The following SMYD3 variants were observed in gnomAD, a reference collection of about 807,000 sequenced individuals.
SMYD3 encodes SET and MYND domain containing 3, also known as histone-lysine N-methyltransferase SMYD3.
A neutral mutation model predicts 57.7 loss-of-function variants in SMYD3; 36 were observed. The ratio of observed to expected loss-of-function variants is 0.62; its 90% CI spans 0.48 to 0.82. The LOEUF (loss-of-function observed/expected upper bound fraction) is 0.82. SMYD3 is among the 40% of genes least tolerant of loss of function. SMYD3 has a pLI of 0.00. For synonymous variants in SMYD3, 211 were observed against 195.0 expected (o/e 1.08, Z -0.68); for missense variants, 515 against 538.8 (o/e 0.96, Z 0.44).
intron 2 of SMYD3, among the ~76,000 whole-genome samples, chr1:246,339,790 T>A (rs945803020): frequency 6.6e-6 from 1 of 152,168 alleles, no homozygotes; most frequent in African/African-American, 2.4e-5. Flanking sequence ...ATTGCAACAG[T>A]GGGTTTGCTA....
intron 1 of SMYD3, among the ~76,000 whole-genome samples, chr1:246,362,612 C>T (rs1287430157): frequency 6.6e-6 from 1 of 152,254 alleles, no homozygotes; most frequent in African/African-American, 2.4e-5. Flanking sequence ...AGGCGCGCAC[C>T]GCCACGCCTG....
rs1055157342 is a variant in SMYD3, at chr1:246,446,112, T to C, written c.164+60942A>G. 1.1e-4 allele frequency among the ~76,000 whole-genome samples: 17 copies of C among 152,226 alleles called. 1 individual carries two copies. ...AGTCAGAAGACCCTGGATGTAAACA[T>C]ATCAATTGCCTCTAAAATAAAGACC... On this transcript the variant is annotated intron_variant, in intron 1 of 11. Transcript: ENST00000490107.
chr1:245,934,658 A>G (rs1341143282), intron 5 of SMYD3, among the ~76,000 whole-genome samples: 5 of 152,184 alleles, frequency 3.3e-5, no homozygotes, highest in Admixed American at 3.3e-4. Context: ...AGGAGAGGAG[A>G]GGCTATACTT....
chr1:245,831,948 G>T (rs957842380), intron 10 of SMYD3, among the ~76,000 whole-genome samples: 3 of 152,216 alleles, frequency 2.0e-5, no homozygotes, highest in Non-Finnish European at 2.9e-5. Flanking sequence ...AGTACAGTTT[G>T]TTTTTTCTCT....
At chr1:246,448,719 A>AC (rs2067587481) in intron 1 of SMYD3, among the ~76,000 whole-genome samples, 1 of 150,862 alleles carries the variant, frequency 6.6e-6, no homozygotes, top group African/African-American at 2.4e-5. Flanking sequence ...AAAAAAAAAA[A>AC]AAAAAAAAAG....
chr1:246,099,237 T>A (rs1011455725), intron 5 of SMYD3, among the ~76,000 whole-genome samples: 5 of 152,220 alleles, frequency 3.3e-5, no homozygotes, highest in African/African-American at 9.6e-5. Flanking sequence ...CATGGCCGGC[T>A]GTGAATAAAC....
At chr1:246,275,269 G>A (rs1280072799) in intron 5 of SMYD3, among the ~76,000 whole-genome samples, 1 of 152,202 alleles carries the variant, frequency 6.6e-6, no homozygotes, top group Non-Finnish European at 1.5e-5. Flanking sequence ...ATACAAGAAC[G>A]GCATGGCTCA....
At chr1:245,776,146 G>A (rs2148118015) in intron 10 of SMYD3, among the ~76,000 whole-genome samples, 1 of 152,302 alleles carries the variant, frequency 6.6e-6, no homozygotes, top group East Asian at 1.9e-4. Flanking sequence ...CAGTTCATCT[G>A]TGACTTATAT....
chr1:246,380,031 G>GA (rs1033739825), intron 1 of SMYD3, among the ~76,000 whole-genome samples: 9 of 141,786 alleles, frequency 6.3e-5, no homozygotes, highest in Admixed American at 2.8e-4. Context: ...AAGAAAGAAA[G>GA]AAAAAAAAAA....
At chr1:245,864,423 C>A (rs2051716005) in intron 8 of SMYD3, among the ~76,000 whole-genome samples, 1 of 152,206 alleles carries the variant, frequency 6.6e-6, no homozygotes, top group Non-Finnish European at 1.5e-5. Flanking sequence ...CTACATGCTA[C>A]AACATGGATG....
At chr1:246,248,087 C>G (rs1326270877) in intron 5 of SMYD3, among the ~76,000 whole-genome samples, 1 of 152,146 alleles carries the variant, frequency 6.6e-6, no homozygotes, top group Non-Finnish European at 1.5e-5. Context: ...GAGCATATCT[C>G]TTTTGAAACT....
At chr1:246,010,815 T>C (rs2059269109) in intron 5 of SMYD3, among the ~76,000 whole-genome samples, 1 of 152,216 alleles carries the variant, frequency 6.6e-6, no homozygotes, top group African/African-American at 2.4e-5. Context: ...TCTATTTAGA[T>C]AGTATGTGCT....
At chr1:245,996,358 G>A (rs987005986) in intron 5 of SMYD3, among the ~76,000 whole-genome samples, 3 of 152,198 alleles carry the variant, frequency 2.0e-5, no homozygotes, top group Non-Finnish European at 2.9e-5. Flanking sequence ...CCAACCAGTG[G>A]GCTGGGATTA....
At chr1:246,190,908 G>A (rs2148325972) in intron 5 of SMYD3, among the ~76,000 whole-genome samples, 1 of 152,262 alleles carries the variant, frequency 6.6e-6, no homozygotes, top group African/African-American at 2.4e-5. Context: ...AGAAAAGCCA[G>A]TATCAGAAAA....
intron 1 of SMYD3, among the ~76,000 whole-genome samples, chr1:246,392,625 T>G (rs1416322685): frequency 6.6e-6 from 1 of 151,826 alleles, no homozygotes; most frequent in African/African-American, 2.4e-5. Flanking sequence ...TTATTAAATT[T>G]TTTGTAGAGA....
intron 5 of SMYD3, among the ~76,000 whole-genome samples, chr1:245,968,275 C>A (rs2058207558): frequency 6.9e-6 from 1 of 145,130 alleles, no homozygotes; most frequent in South Asian, 2.3e-4. Context: ...CATGATATAA[C>A]CCCCATCTAC....
intron 5 of SMYD3, among the ~76,000 whole-genome samples, chr1:246,304,726 C>G (rs1197630): frequency 0.47 from 70,966 of 151,918 alleles, 17,209 homozygotes; most frequent in East Asian, 0.82. Context: ...AATCGCTGTA[C>G]AACTCTTGAC....
In SMYD3 at chr1:245,920,096, G is replaced by A. The variant is rs199969603; in HGVS notation, c.703-4456C>T. Among the ~76,000 whole-genome samples, 20 of 152,208 alleles carry A rather than the reference G, an allele frequency of 1.3e-4. 1 individual carries two copies. The South Asian group carries it at 2.5e-3, about 19-fold the overall frequency. Reference sequence around the variant, plus strand: ...TGGGAGGCCAAGGCGGTAGGATCACGAGGTCAGGAGATTGAGACCATCCTG... The same window carrying A: ...TGGGAGGCCAAGGCGGTAGGATCACAAGGTCAGGAGATTGAGACCATCCTG... On this transcript the variant is annotated intron_variant, in intron 7 of 11. Coordinates refer to ENST00000490107, the MANE Select transcript of SMYD3 (RefSeq NM_001167740.2).
intron 5 of SMYD3, among the ~76,000 whole-genome samples, chr1:246,017,721 A>T (rs1304474735): frequency 6.6e-6 from 1 of 152,116 alleles, no homozygotes; most frequent in Non-Finnish European, 1.5e-5. Flanking sequence ...TTTCTCTTTG[A>T]ATTCCTAAGA....
Sources: allele counts gnomAD v4.1 joint callset (sites outside exome capture counted in the v4.1 genomes callset), GRCh38; gene constraint gnomAD v4.1.1; transcripts MANE v1.5; gene names NCBI Gene and HGNC (gene_info 2026-07-23, HGNC 2026-07-21).